The following CEP128 variants were observed in gnomAD, a reference collection of about 807,000 sequenced individuals.
CEP128 encodes the protein centrosomal protein 128, also known as centrosomal protein 128kDa.
In CEP128, 132 loss-of-function variants were observed where a neutral mutation model predicts 156.7. That is an observed-to-expected ratio of 0.84 (90% confidence interval 0.73 to 0.97). CEP128 has a LOEUF of 0.97. CEP128 is among the 50% of genes least tolerant of loss of function. The pLI is 0.00. For synonymous variants in CEP128, 469 were observed against 448.9 expected, an observed-to-expected ratio of 1.04 and a Z score of -0.57; for missense variants, 1,252 against 1,281.9, an observed-to-expected ratio of 0.98 and a Z score of 0.36.
chr14:80,660,473 T>A (rs1033261939), intron 19 of CEP128, among the ~76,000 whole-genome samples: 4 of 152,182 alleles, frequency 2.6e-5, no homozygotes, highest in African/African-American at 9.7e-5. Context: ...TCTTATCAGA[T>A]CTTACAACTG....
In CEP128 at chr14:80,723,893, A is replaced by T. The variant is rs557259306; in HGVS notation, c.2806+19182T>A. Among the ~76,000 whole-genome samples, 4 of 152,330 alleles carry T rather than the reference A, an allele frequency of 2.6e-5. No homozygotes were observed. In the South Asian group the frequency reaches 8.3e-4, roughly 32 times the overall value. On this transcript the variant is annotated intron_variant, in intron 19 of 24. Transcript: ENST00000555265. ...CTGGAAGCTATTGCTGAAACCTTAC[A>T]CAGTGTCCTGGGAAGTTTTAGCAAA...
Position 80,497,520 on chromosome 14 carries a change from C to T in CEP128, c.3244G>A (p.Gly1082Arg). ...ASNKEDATMN[G>R]TSSQPKKEEY... ...TCTTTTTTGGGTTGTGAACTTGTTC[C>T]ATTCATTGTGGCATCTTCCTTGTTT... Residue 1082 changes from glycine to arginine, a missense_variant, in exon 25 of 25, where the codon GGA (glycine) becomes AGA (arginine). By Grantham distance (125) the Gly-to-Arg change is moderately radical. Transcript: ENST00000555265. 6.2e-7 allele frequency: 1 copy of T among 1,613,250 alleles called. No individual in the cohort carries two copies. The highest frequency in any genetic ancestry group is 8.5e-7 in the Non-Finnish European group (1 of 1,179,540).
At chr14:80,676,453 A>T (rs201527590) in intron 19 of CEP128, among the ~76,000 whole-genome samples, 1,925 of 132,476 alleles carry the variant, frequency 0.015, 18 homozygotes, top group African/African-American at 0.027. Context: ...GATTTTTTTT[A>T]AAAAAAAAAT....
intron 18 of CEP128, among the ~76,000 whole-genome samples, chr14:80,748,785 T>G (rs1899236787): frequency 6.6e-6 from 1 of 152,142 alleles, no homozygotes; most frequent in Non-Finnish European, 1.5e-5. Flanking sequence ...AAAGGGACTT[T>G]GTCTTTCAAC....
chr14:80,778,604 A>G (rs1900930842), intron 15 of CEP128, among the ~76,000 whole-genome samples: 1 of 152,224 alleles, frequency 6.6e-6, no homozygotes, highest in Non-Finnish European at 1.5e-5. Context: ...ATGAAGTATA[A>G]CAATCAAGAA....
At chr14:80,731,514 T>C (rs924283567) in intron 19 of CEP128, among the ~76,000 whole-genome samples, 2 of 152,228 alleles carry the variant, frequency 1.3e-5, no homozygotes, top group Non-Finnish European at 2.9e-5. Context: ...TAAGATCTAA[T>C]GTCACTTGTA....
At chr14:80,906,193 A>G (rs1883878268) in intron 4 of CEP128, 112 bp from the exon 5 acceptor site, 1 of 748,150 alleles carries the variant, frequency 1.3e-6, no homozygotes. Context: ...TCCCCCCAAA[A>G]AAAGGTATCA....
intron 17 of CEP128, among the ~76,000 whole-genome samples, chr14:80,757,685 T>C (rs1899737346): frequency 6.6e-6 from 1 of 152,212 alleles, no homozygotes; most frequent in South Asian, 2.1e-4. Context: ...TTTCTCAAAT[T>C]TGCCTGTTTA....
At chr14:80,788,164 G>A (rs532161597) in intron 14 of CEP128, among the ~76,000 whole-genome samples, 2 of 152,048 alleles carry the variant, frequency 1.3e-5, no homozygotes, top group Non-Finnish European at 2.9e-5. Flanking sequence ...CTCTGAGTCT[G>A]AAAATGTCAG....
At chr14:80,638,515 C>T (rs994580666) in intron 19 of CEP128, among the ~76,000 whole-genome samples, 9 of 152,170 alleles carry the variant, frequency 5.9e-5, no homozygotes, top group African/African-American at 2.2e-4. Flanking sequence ...GATGCTTGCT[C>T]CATTGTCAAC....
chr14:80,829,285 A>C lies in CEP128; in HGVS notation c.1209+1858T>G, dbSNP rs1312428474. The stretch of plus-strand genomic sequence containing the variant: ...CAACTAGTTAATGCTAATGTCTTAC[A>C]GGGATAAACATTGTCTTTGTGATGT... On this transcript the variant is annotated intron_variant, in intron 13 of 24. Coordinates refer to ENST00000555265, the MANE Select transcript of CEP128 (RefSeq NM_152446.5). Among the ~76,000 whole-genome samples, 4 of 152,384 alleles carry C rather than the reference A, an allele frequency of 2.6e-5. No homozygotes were observed. In the South Asian group the frequency reaches 8.3e-4, roughly 32 times the overall value.
intron 4 of CEP128, among the ~76,000 whole-genome samples, chr14:80,913,288 AACTAGATACATTCAT>A (rs1482904443): frequency 6.6e-6 from 1 of 152,188 alleles, no homozygotes; most frequent in African/African-American, 2.4e-5. Context: ...TAAAAAGAAA[AACTAGATACATTCAT>A]ACTATGGAAT....
upstream of CEP128, among the ~76,000 whole-genome samples, chr14:80,942,612 G>C (rs1886213941): frequency 6.6e-6 from 1 of 152,162 alleles, no homozygotes. Flanking sequence ...AGAAGAGCTA[G>C]ATCATGTTTA....
intron 19 of CEP128, among the ~76,000 whole-genome samples, chr14:80,590,180 G>C (rs1168960398): frequency 6.6e-6 from 1 of 152,102 alleles, no homozygotes; most frequent in Non-Finnish European, 1.5e-5. Flanking sequence ...TATTCATCTT[G>C]AAATGGCAAG....
At chr14:80,889,128 G>A (rs936848096) in intron 8 of CEP128, among the ~76,000 whole-genome samples, 1 of 152,162 alleles carries the variant, frequency 6.6e-6, no homozygotes, top group Non-Finnish European at 1.5e-5. Flanking sequence ...GGAAATAAGA[G>A]AGGACACAAA....
chr14:80,828,531 A>G (rs1441105786), intron 13 of CEP128, among the ~76,000 whole-genome samples: 1 of 152,234 alleles, frequency 6.6e-6, no homozygotes, highest in East Asian at 1.9e-4. Context: ...AGAAAGAAGA[A>G]GGATCACTTA....
intron 21 of CEP128, among the ~76,000 whole-genome samples, chr14:80,558,029 T>C (rs1247765119): frequency 1.3e-5 from 2 of 152,140 alleles, no homozygotes; most frequent in African/African-American, 2.4e-5. Context: ...TATGGTTGCA[T>C]AGTATTTCAT....
At chr14:80,839,047 C>T (rs553406039) in intron 10 of CEP128, among the ~76,000 whole-genome samples, 34 of 152,152 alleles carry the variant, frequency 2.2e-4, no homozygotes, top group African/African-American at 7.5e-4. Flanking sequence ...TGCAGTGAGC[C>T]GAAATCGCGC....
chr14:80,835,372 G>C (rs1278523370), intron 12 of CEP128, among the ~76,000 whole-genome samples: 1 of 152,150 alleles, frequency 6.6e-6, no homozygotes, highest in East Asian at 1.9e-4. Context: ...ATCCATTGAA[G>C]ATTTTCTGGC....
Sources: allele counts gnomAD v4.1 joint callset (sites outside exome capture counted in the v4.1 genomes callset), GRCh38; gene constraint gnomAD v4.1.1; transcripts MANE v1.5; gene names NCBI Gene and HGNC (gene_info 2026-07-23, HGNC 2026-07-21).